The following PTCSC3 variants were observed in gnomAD, a reference collection of about 807,000 sequenced individuals.
The protein encoded by PTCSC3 is papillary thyroid carcinoma susceptibility candidate 3 (non-protein coding).
At chr14:36,140,251 A>C (rs1393186748) in intron 3 of PTCSC3, among the ~76,000 whole-genome samples, 2 of 152,188 alleles carry the variant, frequency 1.3e-5, no homozygotes, top group East Asian at 3.8e-4. Flanking sequence ...GGGACATCTT[A>C]GTTGCTTTCC....
chr14:36,175,153 T>G (rs894032069), intron 1 of PTCSC3, among the ~76,000 whole-genome samples: 1 of 152,176 alleles, frequency 6.6e-6, no homozygotes, highest in Non-Finnish European at 1.5e-5. Context: ...TGAACGCTGA[T>G]GTCTGCCTCC....
intron 2 of PTCSC3, among the ~76,000 whole-genome samples, chr14:36,156,333 C>T (rs1007750425): frequency 6.6e-6 from 1 of 152,166 alleles, no homozygotes; most frequent in Non-Finnish European, 1.5e-5. Flanking sequence ...TGCTTTTTGC[C>T]TTCCTCCTGA....
chr14:36,145,884 A>G (rs1488603649), intron 3 of PTCSC3, among the ~76,000 whole-genome samples: 14 of 149,808 alleles, frequency 9.3e-5, no homozygotes, highest in African/African-American at 3.4e-4. Context: ...TTGGTTTCAA[A>G]GAACATCTTT....
At chr14:36,138,901 C>A (rs1042518002) in intron 3 of PTCSC3, among the ~76,000 whole-genome samples, 1 of 151,908 alleles carries the variant, frequency 6.6e-6, no homozygotes, top group Admixed American at 6.6e-5. Flanking sequence ...AGGCGGATCA[C>A]GAGGAGTTCA....
chr14:36,140,717 T>C (rs991360130), intron 3 of PTCSC3, among the ~76,000 whole-genome samples: 1 of 152,156 alleles, frequency 6.6e-6, no homozygotes, highest in Non-Finnish European at 1.5e-5. Flanking sequence ...TCTTAAGAGT[T>C]TTTTAGAGCA....
chr14:36,162,433 A>C (rs186798021), intron 2 of PTCSC3, among the ~76,000 whole-genome samples: 2 of 152,040 alleles, frequency 1.3e-5, no homozygotes, highest in African/African-American at 2.4e-5. Context: ...GTCAAAGTGC[A>C]CCCTTCCTCA....
At chr14:36,168,652 G>A (rs1451361140) in intron 1 of PTCSC3, among the ~76,000 whole-genome samples, 1 of 152,074 alleles carries the variant, frequency 6.6e-6, no homozygotes, top group Non-Finnish European at 1.5e-5. Flanking sequence ...GCCTTGCTCT[G>A]TCACCCAGGC....
intron 3 of PTCSC3, among the ~76,000 whole-genome samples, chr14:36,137,141 G>A (rs1881306019): frequency 6.6e-6 from 1 of 152,142 alleles, no homozygotes; most frequent in Admixed American, 6.6e-5. Flanking sequence ...GATAACATTT[G>A]AGCAGAAACA....
intron 3 of PTCSC3, among the ~76,000 whole-genome samples, chr14:36,149,561 A>C (rs545112356): frequency 1.3e-5 from 2 of 152,312 alleles, no homozygotes; most frequent in East Asian, 3.9e-4. Context: ...GGATCTGTGC[A>C]TTACAGATAA....
intron 1 of PTCSC3, among the ~76,000 whole-genome samples, chr14:36,171,133 A>T (rs548771057): frequency 6.6e-6 from 1 of 152,268 alleles, no homozygotes; most frequent in African/African-American, 2.4e-5. Context: ...TAGCCTGATA[A>T]ATGAACGTTT....
At chr14:36,169,083 C>T (rs772631873) in intron 1 of PTCSC3, among the ~76,000 whole-genome samples, 14 of 151,974 alleles carry the variant, frequency 9.2e-5, no homozygotes, top group Non-Finnish European at 2.1e-4. Context: ...CTCTTAAATC[C>T]CATAACTGGG....
At chr14:36,146,678 G>C (rs1167412005) in intron 3 of PTCSC3, among the ~76,000 whole-genome samples, 2 of 152,060 alleles carry the variant, frequency 1.3e-5, no homozygotes, top group Non-Finnish European at 2.9e-5. Context: ...AGTTAATATT[G>C]TTATGTGTGA....
At chr14:36,175,003 C>T (rs937142120) in intron 1 of PTCSC3, among the ~76,000 whole-genome samples, 4 of 152,090 alleles carry the variant, frequency 2.6e-5, no homozygotes, top group Admixed American at 6.6e-5. Context: ...TAGTAAAGCT[C>T]GGGTCGCCTC....
rs553616894 is a variant in PTCSC3 at position 36,166,888 on chromosome 14, A to C, written n.172-4205T>G. On this transcript the variant is annotated intron_variant and non_coding_transcript_variant, in intron 1 of 3. Transcript: ENST00000556013. Reference sequence around the variant, plus strand: ...GCCTGCACTGGAAGGTTAAAAGTGCAGTTCTCCTAATAGAGTTCTTATAAT... The same window carrying C: ...GCCTGCACTGGAAGGTTAAAAGTGCCGTTCTCCTAATAGAGTTCTTATAAT... Among the ~76,000 whole-genome samples the C allele has an allele frequency of 1.8e-4, 28 of 152,352 alleles. No homozygotes were observed. The South Asian group carries it at 5.8e-3, about 32-fold the overall frequency.
chr14:36,148,640 G>A (rs1881648592), intron 3 of PTCSC3, among the ~76,000 whole-genome samples: 1 of 152,190 alleles, frequency 6.6e-6, no homozygotes, highest in African/African-American at 2.4e-5. Flanking sequence ...TGCTCACGCT[G>A]GTAGCTGTAG....
chr14:36,146,234 G>A (rs569860553), intron 3 of PTCSC3, among the ~76,000 whole-genome samples: 74 of 146,386 alleles, frequency 5.1e-4, no homozygotes, highest in Non-Finnish European at 8.0e-4. Context: ...TTTCTGTCTC[G>A]TTGATCTGTC....
chr14:36,152,575 G>A (rs2139098678), intron 3 of PTCSC3, among the ~76,000 whole-genome samples: 1 of 152,266 alleles, frequency 6.6e-6, no homozygotes, highest in South Asian at 2.1e-4. Context: ...CAAAGGGCTT[G>A]TATTCAGAAT....
At position 36,172,712 on chromosome 14, in the gene PTCSC3, C is replaced by T. The variant is rs1015749662; in HGVS notation, n.171+3586G>A. On this transcript the variant is annotated intron_variant and non_coding_transcript_variant, in intron 1 of 3. Transcript: ENST00000556013. ...ATGTATCCCATCCATTTCCAGTGCT[C>T]AGTTTTTCAAGCCCCATTGTCTGGT... 2.6e-5 allele frequency among the ~76,000 whole-genome samples: 4 copies of T among 152,016 alleles called. No individual in the cohort carries two copies. The East Asian group carries it at 5.8e-4, about 22-fold the overall frequency.
At chr14:36,144,252 T>C (rs1193117225) in intron 3 of PTCSC3, among the ~76,000 whole-genome samples, 1 of 148,722 alleles carries the variant, frequency 6.7e-6, no homozygotes, top group African/African-American at 2.5e-5. Flanking sequence ...CCTTGGGCAG[T>C]ATGGCCATTT....
Sources: allele counts gnomAD v4.1 joint callset (sites outside exome capture counted in the v4.1 genomes callset), GRCh38; gene constraint gnomAD v4.1.1; transcripts MANE v1.5; gene names NCBI Gene and HGNC (gene_info 2026-07-23, HGNC 2026-07-21).